PTPRT: variants seen among roughly 807,000 people sequenced by gnomAD.
PTPRT encodes the protein protein tyrosine phosphatase receptor type T, also known as receptor-type tyrosine-protein phosphatase T.
Under a neutral mutation model 176.8 loss-of-function variants are expected in PTPRT, and 56 were observed. That is an observed-to-expected ratio of 0.32 (90% CI 0.26 to 0.40). The LOEUF is 0.40. PTPRT is among the 10% of genes least tolerant of loss of function. The pLI, the probability that PTPRT is intolerant of heterozygous loss-of-function variation, is 1.00. For synonymous variants in PTPRT, 783 were observed against 739.0 expected, an observed-to-expected ratio of 1.06 and a Z score of -0.96; for missense variants, 1,540 against 1,908.2, an observed-to-expected ratio of 0.81 and a Z score of 3.60.
At chr20:42,940,666 C>A (rs1980483952) in intron 1 of PTPRT, among the ~76,000 whole-genome samples, 1 of 152,114 alleles carries the variant, frequency 6.6e-6, no homozygotes, top group Non-Finnish European at 1.5e-5. Context: ...CACAAGGGAA[C>A]CAGAACATGA....
chr20:42,755,354 T>C (rs371618775), intron 6 of PTPRT, among the ~76,000 whole-genome samples: 80 of 152,264 alleles, frequency 5.3e-4, no homozygotes, highest in African/African-American at 1.9e-3. Context: ...GAAACTAACT[T>C]AGGAGGCCTC....
chr20:42,543,501 C>T (rs543104418), intron 7 of PTPRT, among the ~76,000 whole-genome samples: 61 of 152,230 alleles, frequency 4.0e-4, no homozygotes, highest in Admixed American at 7.2e-4. Flanking sequence ...ACATGTGGAA[C>T]GACTTCTTCC....
intron 6 of PTPRT, among the ~76,000 whole-genome samples, chr20:42,710,707 G>GTAC: frequency 6.6e-6 from 1 of 152,346 alleles, no homozygotes; most frequent in South Asian, 2.1e-4. Flanking sequence ...CCCCACCAGG[G>GTAC]TACTGCACAG....
intron 7 of PTPRT, among the ~76,000 whole-genome samples, chr20:42,666,709 A>G (rs2075322712): frequency 6.6e-6 from 1 of 152,196 alleles, no homozygotes; most frequent in South Asian, 2.1e-4. Flanking sequence ...AAAACTTTGT[A>G]GGTGTTTGTA....
At chr20:42,954,695 T>C (rs545962297) in intron 1 of PTPRT, among the ~76,000 whole-genome samples, 45 of 152,278 alleles carry the variant, frequency 3.0e-4, no homozygotes, top group African/African-American at 9.6e-4. Context: ...AGAGATTTCC[T>C]GTTGCAGAAG....
chr20:42,802,276 T>G (rs986391815), intron 2 of PTPRT, among the ~76,000 whole-genome samples: 3 of 152,156 alleles, frequency 2.0e-5, no homozygotes, highest in Admixed American at 2.0e-4. Context: ...GCCCAAAAAT[T>G]TGGGCGAATC....
Position 42,077,153 on chromosome 20 carries a change from G to T in PTPRT, c.*3726C>A, listed in dbSNP as rs533154307. The T allele has an allele frequency of 5.5e-6, 1 of 182,816 alleles. No individual in the cohort carries two copies. The highest frequency in any genetic ancestry group is 1.2e-5 in the Non-Finnish European group (1 of 85,970). The allele number at this position is 182,816 out of a possible 1,614,324, so 11.3% of individuals were successfully genotyped here. On this transcript the variant is annotated 3_prime_UTR_variant, in exon 31 of 31. Coordinates refer to ENST00000373187, the MANE Select transcript of PTPRT (RefSeq NM_007050.6). ...CACATGTTAGAGTCCCCAGCATAGG[G>T]TCTGTTGGTTCCTTTGCAGGCCACA... is the stretch of plus-strand genomic sequence containing the variant.
intron 1 of PTPRT, among the ~76,000 whole-genome samples, chr20:42,980,815 T>G (rs772991273): frequency 6.6e-6 from 1 of 152,174 alleles, no homozygotes; most frequent in Non-Finnish European, 1.5e-5. Context: ...CTTTCTCTGC[T>G]CCTTTAAAAA....
intron 6 of PTPRT, among the ~76,000 whole-genome samples, chr20:42,732,031 C>T (rs2076469174): frequency 6.6e-6 from 1 of 152,220 alleles, no homozygotes; most frequent in African/African-American, 2.4e-5. Flanking sequence ...CCAACAAAGT[C>T]TCAATCACAA....
intron 12 of PTPRT, among the ~76,000 whole-genome samples, chr20:42,295,303 G>T (rs1381402835): frequency 6.6e-6 from 1 of 152,130 alleles, no homozygotes; most frequent in Non-Finnish European, 1.5e-5. Flanking sequence ...AAAACAATGT[G>T]GCAGCATTTT....
chr20:43,157,279 A>C (rs2014550783), intron 1 of PTPRT, among the ~76,000 whole-genome samples: 1 of 151,830 alleles, frequency 6.6e-6, no homozygotes. Context: ...CAGGAGGATC[A>C]CTTGAGCCTG....
chr20:42,050,765 G>A, the PTPRT span, among the ~76,000 whole-genome samples: 1 of 152,320 alleles, frequency 6.6e-6, no homozygotes, highest in East Asian at 1.9e-4. Context: ...GGTGAGGAGT[G>A]AAGTTGGAGG....
At chr20:42,782,526 C>A (rs2077229775) in intron 3 of PTPRT, among the ~76,000 whole-genome samples, 1 of 152,308 alleles carries the variant, frequency 6.6e-6, no homozygotes, top group South Asian at 2.1e-4. Flanking sequence ...GCACTATGAC[C>A]CATTCAGTCA....
At chr20:42,941,107 A>C (rs1285456640) in intron 1 of PTPRT, among the ~76,000 whole-genome samples, 1 of 151,596 alleles carries the variant, frequency 6.6e-6, no homozygotes, top group Non-Finnish European at 1.5e-5. Context: ...TAATAATAAT[A>C]ATAATAAGAC....
intron 11 of PTPRT, among the ~76,000 whole-genome samples, chr20:42,319,275 T>C (rs75795334): frequency 1.5e-4 from 23 of 152,084 alleles, no homozygotes; most frequent in Middle Eastern, 6.8e-3. Context: ...TTTTTTTTTT[T>C]TTCTATTTTC....
chr20:42,780,840 A>G (rs2077204020), intron 3 of PTPRT, among the ~76,000 whole-genome samples: 1 of 152,208 alleles, frequency 6.6e-6, no homozygotes, highest in African/African-American at 2.4e-5. Context: ...GTAGAAGGCA[A>G]CTGACTTCCA....
chr20:43,189,592 G>T lies in PTPRT; in HGVS notation c.88+54C>A, dbSNP rs2015487443. 3 of 1,146,360 alleles carry T rather than the reference G, an allele frequency of 2.6e-6. No homozygotes were observed. The highest frequency in any genetic ancestry group is 3.2e-5 in the African/African-American group (2 of 62,194). The allele number at this position is 1,146,360 out of a possible 1,614,324, so 71.0% of individuals were successfully genotyped here. On this transcript the variant is annotated intron_variant, in intron 1 of 30. Transcript: ENST00000373187. This position sits in a 1 kb window ranked among gnomAD's most constrained non-coding sequence, Gnocchi z 5.0. ...CCGAGGGCCCCGCGGCTGGGGGCCC[G>T]CGCGCATCCAGGAGGGAGCGGGGAG...
intron 1 of PTPRT, among the ~76,000 whole-genome samples, chr20:42,914,525 G>A (rs192148497): frequency 5.9e-5 from 9 of 152,212 alleles, no homozygotes; most frequent in East Asian, 1.9e-4. Context: ...ACCTATTGAC[G>A]CTTGCAACAA....
chr20:42,255,056 A>C lies in PTPRT; in HGVS notation c.2177-6234T>G, dbSNP rs983552937. Among the ~76,000 whole-genome samples the C allele has an allele frequency of 3.9e-5, 6 of 152,236 alleles. No homozygotes were observed. In the South Asian group the frequency reaches 6.2e-4, roughly 16 times the overall value. On this transcript the variant is annotated intron_variant, in intron 13 of 30. Coordinates refer to ENST00000373187, the MANE Select transcript of PTPRT (RefSeq NM_007050.6). ...ACAAAGGCAGGGGAATGTGTCATCA[A>C]CAAGGACAAGAGCTGGCTGGAACAT... is the stretch of plus-strand genomic sequence containing the variant.
Sources: gnomAD v4.1 joint callset for allele counts (sites outside exome capture counted in the v4.1 genomes callset) on GRCh38, gnomAD v4.1.1 for gene constraint, Gnocchi (gnomAD v3.1) non-coding constraint, MANE v1.5 for transcripts, NCBI Gene and HGNC (gene_info 2026-07-23, HGNC 2026-07-21) for gene names.